ANKMY1: variants seen among roughly 807,000 people sequenced by gnomAD.
ANKMY1 encodes ankyrin repeat and MYND domain containing 1.
In ANKMY1, 98 loss-of-function variants were observed where a neutral mutation model predicts 102.0. The observed-to-expected ratio is 0.96, with a 90% confidence interval of 0.82 to 1.14. ANKMY1 has a LOEUF of 1.14. Ranked by LOEUF, ANKMY1 falls within the 50% of genes most tolerant of loss-of-function variation. ANKMY1 has a pLI of 0.00. For missense variants in ANKMY1, 1,330 were observed against 1,347.6 expected (o/e 0.99, Z 0.20); for synonymous variants, 582 against 559.9 (o/e 1.04, Z -0.56).
At chr2:240,486,198 T>C (rs2076041695) in intron 15 of ANKMY1, among the ~76,000 whole-genome samples, 1 of 152,228 alleles carries the variant, frequency 6.6e-6, no homozygotes, top group Non-Finnish European at 1.5e-5. Flanking sequence ...CTTGGAGTCA[T>C]TTCTTACCAC....
intron 4 of ANKMY1, among the ~76,000 whole-genome samples, chr2:240,530,894 C>G (rs964951811): frequency 1.3e-5 from 2 of 150,706 alleles, no homozygotes; most frequent in African/African-American, 4.9e-5. Context: ...GCCTGGGCAA[C>G]AGAGTGAGAC....
At chr2:240,472,258 T>TCCACGGCCGCACGCGGGGAGGCAGGC in the ANKMY1 span, among the ~76,000 whole-genome samples, 16 of 124,302 alleles carry the variant, frequency 1.3e-4, no homozygotes, top group African/African-American at 4.6e-4. Flanking sequence ...GGCCTACCAA[T>TCCACGGCCGCACGCGGGGAGGCAGGC]CTACGGCCGC....
intron 4 of ANKMY1, among the ~76,000 whole-genome samples, chr2:240,535,389 G>T (rs1178125030): frequency 6.6e-6 from 1 of 152,172 alleles, no homozygotes; most frequent in Non-Finnish European, 1.5e-5. Flanking sequence ...TTAAGATAAA[G>T]AACCAAGTTT....
At chr2:240,478,024 G>A (rs532747317), downstream of ANKMY1, among the ~76,000 whole-genome samples, 3 of 152,246 alleles carry the variant, frequency 2.0e-5, no homozygotes, top group South Asian at 2.1e-4. Flanking sequence ...GATCCCGGGG[G>A]CAGACTTCCC....
rs80135062 is a variant in ANKMY1 at position 240,513,765 on chromosome 2, C to T, written c.2005-823G>A. 4.5e-3 allele frequency among the ~76,000 whole-genome samples: 680 copies of T among 152,366 alleles called. 8 individuals carry two copies. The highest frequency in any genetic ancestry group is 0.015 in the African/African-American group (634 of 41,586). On this transcript the variant is annotated intron_variant, in intron 9 of 17. Coordinates refer to ENST00000401804, the MANE Select transcript of ANKMY1 (RefSeq NM_001282771.3). ...ACTCCCAGGAGGAGCAGTACTATCC[C>T]AGCTTGACAGCAGCCCCTGCGACCT... is the stretch of plus-strand genomic sequence containing the variant.
At chr2:240,485,538 G>A (rs757810830) in intron 15 of ANKMY1, among the ~76,000 whole-genome samples, 3 of 151,930 alleles carry the variant, frequency 2.0e-5, no homozygotes, top group South Asian at 4.2e-4. Context: ...ACTATATTTC[G>A]AGTTCTTTCC....
At chr2:240,482,768 T>C (rs2075569176) in intron 15 of ANKMY1, among the ~76,000 whole-genome samples, 1 of 152,250 alleles carries the variant, frequency 6.6e-6, no homozygotes, top group African/African-American at 2.4e-5. Flanking sequence ...ACACAGGTTC[T>C]GTTCCTGTTG....
At chr2:240,485,125 A>G (rs1353359671) in intron 15 of ANKMY1, among the ~76,000 whole-genome samples, 2 of 152,052 alleles carry the variant, frequency 1.3e-5, no homozygotes, top group Non-Finnish European at 2.9e-5. Flanking sequence ...TCAGGAGATC[A>G]AGACCATCCT....
upstream of ANKMY1, among the ~76,000 whole-genome samples, chr2:240,559,348 T>A (rs913209443): frequency 2.0e-5 from 3 of 152,180 alleles, no homozygotes; most frequent in Non-Finnish European, 2.9e-5. Flanking sequence ...GGCCCAACAG[T>A]GGCATCAAGG....
upstream of ANKMY1, among the ~76,000 whole-genome samples, chr2:240,559,588 C>T (rs533003613): frequency 2.0e-5 from 3 of 151,956 alleles, no homozygotes; most frequent in Non-Finnish European, 4.4e-5. Flanking sequence ...CTCCCATGAA[C>T]GCCAGGGAAA....
At chr2:240,522,859 G>A (rs921024688) in intron 8 of ANKMY1, 4 of 152,360 alleles carry the variant, frequency 2.6e-5, no homozygotes, top group Non-Finnish European at 4.4e-5. Context: ...GGTCTTGGTG[G>A]TGGTGGCAAG....
At chr2:240,481,772 AG>A (rs1269093462) in intron 16 of ANKMY1, among the ~76,000 whole-genome samples, 1 of 152,172 alleles carries the variant, frequency 6.6e-6, no homozygotes, top group African/African-American at 2.4e-5. Context: ...AGGAAGGTGC[AG>A]GTGTGCAGGC....
intron 4 of ANKMY1, among the ~76,000 whole-genome samples, chr2:240,530,716 G>A (rs573806444): frequency 1.5e-4 from 23 of 152,148 alleles, no homozygotes; most frequent in Admixed American, 1.2e-3. Context: ...CACTCTGATC[G>A]CCATTGAAGG....
In ANKMY1 at chr2:240,555,260, T is replaced by C. The variant is rs1402734509; in HGVS notation, c.147-205A>G. 3 of 604,746 alleles carry C rather than the reference T, an allele frequency of 5.0e-6. No individual in the cohort carries two copies. In the East Asian group the frequency reaches 8.3e-5, roughly 17 times the overall value. The allele number at this position is 604,746 out of a possible 1,614,324, so 37.5% of individuals were successfully genotyped here. A position where few individuals can be genotyped will look rare whatever the true frequency, so the allele number is the denominator to read the frequency against. On this transcript the variant is annotated intron_variant, in intron 2 of 17. Coordinates refer to ENST00000401804, the MANE Select transcript of ANKMY1 (RefSeq NM_001282771.3). ...GCCCAAGGCCACACAGGAAGTGGAA[T>C]GCACAGTAAGGCTGCCAACGGATAG...
intron 14 of ANKMY1, 56 bp from the exon 15 acceptor site, chr2:240,500,179 G>A: frequency 6.7e-7 from 1 of 1,492,398 alleles, no homozygotes; most frequent in Non-Finnish European, 8.9e-7. Context: ...TCACTGCTGG[G>A]GTGACTCTCG....
intron 9 of ANKMY1, among the ~76,000 whole-genome samples, chr2:240,517,703 G>A (rs1431676532): frequency 6.6e-6 from 1 of 152,124 alleles, no homozygotes; most frequent in African/African-American, 2.4e-5. Flanking sequence ...CTACTCTGGA[G>A]GCTGAAGTAG....
intron 4 of ANKMY1, among the ~76,000 whole-genome samples, chr2:240,550,295 T>C (rs534814082): frequency 7.0e-6 from 1 of 143,804 alleles, no homozygotes; most frequent in East Asian, 2.0e-4. Flanking sequence ...TTCTCACTCA[T>C]AGGCGGGAAT....
At chr2:240,497,383 C>T (rs746705342) in intron 15 of ANKMY1, among the ~76,000 whole-genome samples, 3 of 152,202 alleles carry the variant, frequency 2.0e-5, no homozygotes, top group Non-Finnish European at 4.4e-5. Flanking sequence ...TCCATGCCCT[C>T]TTCTACTGTG....
At chr2:240,553,160 AC>A in intron 3 of ANKMY1, 103 bp from the exon 4 acceptor site, 1 of 1,374,096 alleles carries the variant, frequency 7.3e-7, no homozygotes, top group Non-Finnish European at 9.9e-7. Flanking sequence ...AATGGGGACC[AC>A]CCAGGGCTGT....
Sources: gnomAD v4.1 joint callset for allele counts (sites outside exome capture counted in the v4.1 genomes callset) on GRCh38, gnomAD v4.1.1 for gene constraint, MANE v1.5 for transcripts, NCBI Gene and HGNC (gene_info 2026-07-23, HGNC 2026-07-21) for gene names.